MAPKAP1: variants seen among roughly 807,000 people sequenced by gnomAD.
The protein encoded by MAPKAP1 is MAPK associated protein 1, also known as target of rapamycin complex 2 subunit MAPKAP1.
Under a neutral mutation model 65.7 loss-of-function variants are expected in MAPKAP1, and 20 were observed. The observed-to-expected ratio is 0.30, with a 90% CI of 0.21 to 0.44. MAPKAP1 has a LOEUF of 0.44. MAPKAP1 is among the 20% of genes least tolerant of loss of function. The pLI, the probability that MAPKAP1 is intolerant of heterozygous loss-of-function variation, is 1.00. For synonymous variants in MAPKAP1, 222 were observed against 244.3 expected (o/e 0.91, Z 0.85); for missense variants, 423 against 648.0 (o/e 0.65, Z 3.77).
Position 125,550,373 on chromosome 9 carries a change from CATCACCAAACCA to C in MAPKAP1, c.849-7217_849-7206del, listed in dbSNP as rs556655631. ...AACTAAACATGGCCAAAGGGGGAAGCATCACCAAACCAATCACATGGGCTCAGAAATGGGAGC... is the reference window on the plus strand; with the variant it reads ...AACTAAACATGGCCAAAGGGGGAAGCATCACATGGGCTCAGAAATGGGAGC... On this transcript the variant is annotated intron_variant, in intron 6 of 11. Coordinates refer to ENST00000265960, the MANE Select transcript of MAPKAP1 (RefSeq NM_001006617.3). Among the ~76,000 whole-genome samples the C allele has an allele frequency of 3.9e-5, 6 of 152,328 alleles. No individual in the cohort carries two copies. The East Asian group carries it at 1.2e-3, about 29-fold the overall frequency.
chr9:125,542,857 C>T, intron 7 of MAPKAP1: 1 of 727,364 alleles, frequency 1.4e-6, no homozygotes. Context: ...ATACATTCTT[C>T]TCACATATGC....
At chr9:125,529,699 C>G (rs759226442) in intron 7 of MAPKAP1, among the ~76,000 whole-genome samples, 6 of 151,774 alleles carry the variant, frequency 4.0e-5, no homozygotes, top group Non-Finnish European at 8.8e-5. Flanking sequence ...AAAATTGGTT[C>G]GATGACACAG....
At chr9:125,662,307 AG>A (rs1057514233) in intron 3 of MAPKAP1, among the ~76,000 whole-genome samples, 1 of 152,188 alleles carries the variant, frequency 6.6e-6, no homozygotes, top group African/African-American at 2.4e-5. Flanking sequence ...ACTTGAGCCC[AG>A]GAAGTTGAGG....
intron 10 of MAPKAP1, among the ~76,000 whole-genome samples, chr9:125,449,861 G>C (rs1852876623): frequency 6.6e-6 from 1 of 152,112 alleles, no homozygotes; most frequent in Non-Finnish European, 1.5e-5. Flanking sequence ...CCTGCTAAAA[G>C]AGGTGCTCCC....
Position 125,449,431 on chromosome 9 carries a change from C to A in MAPKAP1, c.1346-4833G>T, listed in dbSNP as rs76009334. Among the ~76,000 whole-genome samples the A allele has an allele frequency of 5.7e-4, 86 of 152,206 alleles. 1 individual carries two copies. In the East Asian group the frequency reaches 0.015, roughly 26 times the overall value. On this transcript the variant is annotated intron_variant, in intron 10 of 11. Transcript: ENST00000265960. ...CATTTTTAATTGGGCCTCCTTTGAG[C>A]AGATTTGCTTTTATAGTGCTATGTA...
intron 4 of MAPKAP1, among the ~76,000 whole-genome samples, chr9:125,609,133 T>C (rs962424462): frequency 6.6e-6 from 1 of 152,256 alleles, no homozygotes. Flanking sequence ...TAAATTTGTC[T>C]ATTAAAAATG....
At chr9:125,602,719 A>C (rs1832334555) in intron 4 of MAPKAP1, among the ~76,000 whole-genome samples, 6 of 152,176 alleles carry the variant, frequency 3.9e-5, no homozygotes, top group Admixed American at 2.6e-4. Context: ...GGGTCCAAGC[A>C]CTTTTCATAC....
chr9:125,475,450 T>C (rs1453807251), intron 9 of MAPKAP1, among the ~76,000 whole-genome samples: 2 of 152,232 alleles, frequency 1.3e-5, no homozygotes, highest in Non-Finnish European at 2.9e-5. Context: ...GGACTAACCA[T>C]TCTGAAACGG....
At chr9:125,598,740 G>A (rs111455345) in intron 4 of MAPKAP1, among the ~76,000 whole-genome samples, 2 of 151,990 alleles carry the variant, frequency 1.3e-5, no homozygotes, top group Non-Finnish European at 2.9e-5. Context: ...TTGTTGAGAC[G>A]ATTCAATAAG....
At position 125,536,379 on chromosome 9, in the gene MAPKAP1, A is replaced by T. The variant is rs574985172; in HGVS notation, c.958+6680T>A. On this transcript the variant is annotated intron_variant, in intron 7 of 11. Transcript: ENST00000265960. ...CTTGCCCGGGGCACTTCTGAGTCACACATTTAAACACTTTAGCAGCCCTAA... is the reference window on the plus strand; with the variant it reads ...CTTGCCCGGGGCACTTCTGAGTCACTCATTTAAACACTTTAGCAGCCCTAA... Among the ~76,000 whole-genome samples the T allele has an allele frequency of 2.0e-5, 3 of 152,330 alleles. No homozygotes were observed. The East Asian group carries it at 5.8e-4, about 29-fold the overall frequency.
At chr9:125,462,645 T>C (rs1454669941) in intron 10 of MAPKAP1, among the ~76,000 whole-genome samples, 1 of 152,258 alleles carries the variant, frequency 6.6e-6, no homozygotes, top group African/African-American at 2.4e-5. Context: ...GCTTTTACTC[T>C]TCATAAAGCC....
rs1830713143 is a variant in MAPKAP1, at chr9:125,555,552, G to C, written c.848+4081C>G. On this transcript the variant is annotated intron_variant, in intron 6 of 11. Coordinates refer to ENST00000265960, the MANE Select transcript of MAPKAP1 (RefSeq NM_001006617.3). ...GGGCTTCCTGGTATTTGAAAGGCAG[G>C]AACGGGTGTAAAAAAGGGGAAGAGG... Among the ~76,000 whole-genome samples the C allele has an allele frequency of 2.0e-5, 3 of 152,210 alleles. No individual in the cohort carries two copies. In the South Asian group the frequency reaches 6.2e-4, roughly 32 times the overall value.
chr9:125,548,375 C>T (rs958627410), intron 6 of MAPKAP1, among the ~76,000 whole-genome samples: 2 of 152,130 alleles, frequency 1.3e-5, no homozygotes, highest in African/African-American at 4.8e-5. Flanking sequence ...TGAGAGGGTC[C>T]GGGAAGCTTC....
intron 4 of MAPKAP1, among the ~76,000 whole-genome samples, chr9:125,622,928 T>C (rs1473792684): frequency 6.6e-6 from 1 of 152,206 alleles, no homozygotes; most frequent in Non-Finnish European, 1.5e-5. Flanking sequence ...TGCCTCAGTC[T>C]GCCGAATGCC....
intron 4 of MAPKAP1, among the ~76,000 whole-genome samples, chr9:125,597,251 C>G (rs933391467): frequency 3.5e-5 from 4 of 113,614 alleles, no homozygotes; most frequent in African/African-American, 1.4e-4. Context: ...GACGACAGAG[C>G]GAGACTCCGT....
chr9:125,618,090 C>T (rs537760269), intron 4 of MAPKAP1, among the ~76,000 whole-genome samples: 1 of 152,038 alleles, frequency 6.6e-6, no homozygotes, highest in South Asian at 2.1e-4. Flanking sequence ...CCCAAGCAAC[C>T]AACAACTTCC....
At chr9:125,534,239 C>T (rs971771004) in intron 7 of MAPKAP1, among the ~76,000 whole-genome samples, 1 of 152,028 alleles carries the variant, frequency 6.6e-6, no homozygotes, top group African/African-American at 2.4e-5. Context: ...TGTATGTGAA[C>T]TGAAGAAAAA....
chr9:125,467,129 T>C (rs1448620120), intron 10 of MAPKAP1, among the ~76,000 whole-genome samples: 2 of 152,344 alleles, frequency 1.3e-5, no homozygotes, highest in East Asian at 3.9e-4. Context: ...TAACTGCATT[T>C]AACAGGCTTT....
rs1588096761 is a variant in MAPKAP1, at chr9:125,706,917, C to T, written c.-70+54G>A. 5 of 389,252 alleles carry T rather than the reference C, an allele frequency of 1.3e-5. No individual in the cohort carries two copies. The East Asian group carries it at 1.8e-4, about 14-fold the overall frequency. The allele number at this position is 389,252 out of a possible 1,614,324, so 24.1% of individuals were successfully genotyped here. On this transcript the variant is annotated intron_variant, in intron 1 of 11. Transcript: ENST00000265960. ...AGGGGTGAGAGGGCCGCCAGGTGGG[C>T]AAGCTGGTGGGCTGACGGACGGGCG...
Sources: allele counts gnomAD v4.1 joint callset (sites outside exome capture counted in the v4.1 genomes callset), GRCh38; gene constraint gnomAD v4.1.1; transcripts MANE v1.5; gene names NCBI Gene and HGNC (gene_info 2026-07-23, HGNC 2026-07-21).